ADARB2: variants seen among roughly 807,000 people sequenced by gnomAD.
ADARB2 encodes adenosine deaminase RNA specific B2 (inactive).
A neutral mutation model predicts 62.2 loss-of-function variants in ADARB2; 25 were observed. The ratio of observed to expected loss-of-function variants is 0.40; its 90% CI spans 0.29 to 0.56. ADARB2 has a LOEUF of 0.56. Ranked by LOEUF, ADARB2 falls within the 20% of genes least tolerant of loss-of-function variation. The pLI, the probability that ADARB2 is intolerant of heterozygous loss-of-function variation, is 0.43. For synonymous variants in ADARB2, 572 were observed against 500.8 expected, an observed-to-expected ratio of 1.14 and a Z score of -1.90; for missense variants, 1,071 against 1,077.4, an observed-to-expected ratio of 0.99 and a Z score of 0.08.
At chr10:1,248,585 G>C (rs923300642) in intron 4 of ADARB2, among the ~76,000 whole-genome samples, 1 of 152,168 alleles carries the variant, frequency 6.6e-6, no homozygotes, top group African/African-American at 2.4e-5. Context: ...GCCAGGAGAA[G>C]ATCAGGAAGC....
At chr10:1,493,729 CTTTTTTTTTTTTTTTTTTTTTTT>C (rs555812632) in intron 1 of ADARB2, among the ~76,000 whole-genome samples, 36 of 56,838 alleles carry the variant, frequency 6.3e-4, no homozygotes, top group East Asian at 2.6e-3. Context: ...ATATGGCATT[CTTTTTTTTTTTTTTTTTTTTTTT>C]TTTTTTTTTT....
intron 1 of ADARB2, among the ~76,000 whole-genome samples, chr10:1,495,410 A>G (rs1831674506): frequency 6.6e-6 from 1 of 152,230 alleles, no homozygotes; most frequent in Non-Finnish European, 1.5e-5. Flanking sequence ...ATAAGTTCTG[A>G]ATTTAATAAA....
At chr10:1,729,204 T>C (rs985107334) in intron 1 of ADARB2, among the ~76,000 whole-genome samples, 2 of 152,242 alleles carry the variant, frequency 1.3e-5, no homozygotes, top group East Asian at 3.8e-4. Flanking sequence ...CCTATGTTTT[T>C]CTTTACCTAA....
At chr10:1,594,879 G>A (rs1833309472) in intron 1 of ADARB2, among the ~76,000 whole-genome samples, 3 of 152,192 alleles carry the variant, frequency 2.0e-5, no homozygotes, top group South Asian at 2.1e-4. Flanking sequence ...GCTTGAAGAT[G>A]TGTGGCATAC....
intron 1 of ADARB2, among the ~76,000 whole-genome samples, chr10:1,733,222 A>T (rs1198264688): frequency 6.6e-6 from 1 of 152,074 alleles, no homozygotes; most frequent in Non-Finnish European, 1.5e-5. Flanking sequence ...CCTCCAATGT[A>T]CCTTGTGGAA....
At chr10:1,234,319 T>C (rs1455859467) in intron 5 of ADARB2, among the ~76,000 whole-genome samples, 4 of 151,978 alleles carry the variant, frequency 2.6e-5, no homozygotes, top group Non-Finnish European at 5.9e-5. Flanking sequence ...CACCCCATAG[T>C]GTGTCTTTCC....
At chr10:1,408,907 G>A (rs10903442) in intron 1 of ADARB2, among the ~76,000 whole-genome samples, 38,437 of 152,150 alleles carry the variant, frequency 0.25, 5,222 homozygotes, top group Middle Eastern at 0.4. Flanking sequence ...GAGGGTGGCC[G>A]CGGCTCCTCA....
At chr10:1,444,947 C>T (rs1487612256) in intron 1 of ADARB2, among the ~76,000 whole-genome samples, 1 of 149,924 alleles carries the variant, frequency 6.7e-6, no homozygotes, top group East Asian at 2.0e-4. Flanking sequence ...ATCCATCCAC[C>T]CACCCATCCA....
intron 3 of ADARB2, among the ~76,000 whole-genome samples, chr10:1,275,945 T>C (rs1831312399): frequency 6.6e-6 from 1 of 152,248 alleles, no homozygotes; most frequent in African/African-American, 2.4e-5. Flanking sequence ...TTCGCTATTG[T>C]GAATAGTGCC....
intron 1 of ADARB2, among the ~76,000 whole-genome samples, chr10:1,435,157 T>C (rs984615391): frequency 3.3e-5 from 5 of 152,140 alleles, no homozygotes; most frequent in Non-Finnish European, 4.4e-5. Flanking sequence ...CAATGAGAGG[T>C]GTCCCCGGGC....
intron 1 of ADARB2, among the ~76,000 whole-genome samples, chr10:1,696,225 G>T (rs117373377): frequency 2.0e-5 from 3 of 152,070 alleles, no homozygotes; most frequent in South Asian, 2.1e-4. Flanking sequence ...GTATATGTGC[G>T]TATATGCATG....
In ADARB2 at chr10:1,315,889, A is replaced by G. The variant is rs796861790; in HGVS notation, c.1078-44820T>C. Among the ~76,000 whole-genome samples the G allele has an allele frequency of 3.8e-4, 58 of 152,380 alleles. 2 individuals carry two copies. Among genetic ancestry groups the G allele is most frequent in the African/African-American group, 1.4e-3 (58 of 41,600 alleles). ...TTAAAAGATTTAAAATGTCTTGAAT[A>G]CATTCATTTTCAAACATTTTCCTCT... On this transcript the variant is annotated intron_variant, in intron 3 of 9. Transcript: ENST00000381312.
At chr10:1,707,219 G>T (rs1834900655) in intron 1 of ADARB2, among the ~76,000 whole-genome samples, 1 of 152,230 alleles carries the variant, frequency 6.6e-6, no homozygotes, top group South Asian at 2.1e-4. Context: ...GCCCCGATCT[G>T]CCCAGGACCT....
chr10:1,422,940 G>T (rs184940121), intron 1 of ADARB2, among the ~76,000 whole-genome samples: 1 of 152,268 alleles, frequency 6.6e-6, no homozygotes, highest in East Asian at 1.9e-4. Context: ...CTTGGATCCT[G>T]GGAGCAGTGG....
intron 1 of ADARB2, among the ~76,000 whole-genome samples, chr10:1,467,462 C>T (rs558325233): frequency 4.7e-4 from 72 of 152,308 alleles, no homozygotes; most frequent in South Asian, 2.3e-3. Flanking sequence ...AAAGCAAACC[C>T]GAAAGCATCT....
chr10:1,317,827 G>A (rs889478832), intron 3 of ADARB2, among the ~76,000 whole-genome samples: 3 of 152,074 alleles, frequency 2.0e-5, no homozygotes, highest in Admixed American at 6.5e-5. Flanking sequence ...GGCCCAGCTT[G>A]TAGGGGTGGC....
At chr10:1,441,612 A>C (rs1330341382) in intron 1 of ADARB2, among the ~76,000 whole-genome samples, 1 of 152,236 alleles carries the variant, frequency 6.6e-6, no homozygotes, top group African/African-American at 2.4e-5. Context: ...TCACACAGGA[A>C]GTAAATCAAT....
chr10:1,432,709 T>C (rs1262631474), intron 1 of ADARB2, among the ~76,000 whole-genome samples: 1 of 151,962 alleles, frequency 6.6e-6, no homozygotes, highest in African/African-American at 2.4e-5. Flanking sequence ...GTATGCTTAA[T>C]ATGAATATGC....
chr10:1,224,392 A>AT (rs1830726286), intron 6 of ADARB2, among the ~76,000 whole-genome samples: 1 of 151,972 alleles, frequency 6.6e-6, no homozygotes, highest in Non-Finnish European at 1.5e-5. Context: ...GGATTCATTA[A>AT]TTTTTTGAAG....
Sources: gnomAD v4.1 joint callset for allele counts (sites outside exome capture counted in the v4.1 genomes callset) on GRCh38, gnomAD v4.1.1 for gene constraint, MANE v1.5 for transcripts, NCBI Gene and HGNC (gene_info 2026-07-23, HGNC 2026-07-21) for gene names.